The following QRICH1 variants were observed in gnomAD, a reference collection of about 807,000 sequenced individuals.
QRICH1 encodes the protein transcriptional regulator QRICH1.
A neutral mutation model predicts 87.1 loss-of-function variants in QRICH1; 16 were observed. The observed-to-expected ratio is 0.18, with a 90% CI of 0.12 to 0.28. The LOEUF (loss-of-function observed/expected upper bound fraction) is 0.28. Among genes scored for constraint, QRICH1 ranks in the 10% least tolerant of loss-of-function variants. The probability of loss-of-function intolerance (pLI) is 1.00; values close to 1 mark genes in which losing one functional copy is unlikely to be tolerated. For synonymous variants in QRICH1, 367 were observed against 368.4 expected, an observed-to-expected ratio of 1.00 and a Z score of 0.05; for missense variants, 647 against 951.7, an observed-to-expected ratio of 0.68 and a Z score of 4.21.
intron 3 of QRICH1, among the ~76,000 whole-genome samples, chr3:49,055,487 T>A (rs772770019): frequency 1.3e-5 from 2 of 152,170 alleles, no homozygotes; most frequent in Non-Finnish European, 2.9e-5. Flanking sequence ...AACCCTCGCA[T>A]CTACGCTGGG....
chr3:49,090,273 C>G (rs533649261), intron 1 of QRICH1, among the ~76,000 whole-genome samples: 1 of 152,312 alleles, frequency 6.6e-6, no homozygotes, highest in African/African-American at 2.4e-5. Flanking sequence ...TGCTGGCTAA[C>G]ACGGTGAAAC....
Position 49,057,961 on chromosome 3 carries a change from A to C in QRICH1, c.310-71T>G. On this transcript the variant is annotated intron_variant, in intron 2 of 9. Coordinates refer to ENST00000395443, the MANE Select transcript of QRICH1 (RefSeq NM_198880.3). This position sits in a 1 kb window ranked among gnomAD's most constrained non-coding sequence, Gnocchi z 5.4. The stretch of plus-strand genomic sequence containing the variant: ...AAATCCAGTACCCAAGGAAAGAAAG[A>C]AAAGAGATCCCAGACAGGGGACCTG... The C allele has an allele frequency of 6.2e-7, 1 of 1,611,084 alleles. No individual in the cohort carries two copies. Among genetic ancestry groups the C allele is most frequent in the Non-Finnish European group, 8.5e-7 (1 of 1,179,546 alleles).
At position 49,070,418 on chromosome 3, in the gene QRICH1, C is replaced by T. The variant is rs143452075; in HGVS notation, c.309+6291G>A. ...GGTTTTTAAATGGTATTCATTTTTTCCAACACTCTTAAAAATGCTTTGTTG... is the reference window on the plus strand; with the variant it reads ...GGTTTTTAAATGGTATTCATTTTTTTCAACACTCTTAAAAATGCTTTGTTG... On this transcript the variant is annotated intron_variant, in intron 2 of 9. Coordinates refer to ENST00000395443, the MANE Select transcript of QRICH1 (RefSeq NM_198880.3). 7.1e-3 allele frequency among the ~76,000 whole-genome samples: 1,078 copies of T among 151,998 alleles called. 15 individuals are homozygous for T. The highest frequency in any genetic ancestry group is 0.024 in the African/African-American group (1,010 of 41,476).
chr3:49,030,537 T>C lies in QRICH1; in HGVS notation c.2246A>G (p.Gln749Arg). Reference protein sequence around the residue: ...WYSVQPISREQMGQMLTRILV... With the variant: ...WYSVQPISRERMGQMLTRILV... Reference sequence around the variant, plus strand: ...GATCCGCGTCAGCATTTGTCCCATCTGCTCTCTGCTGATAGGCTGGACTGA... The same window carrying C: ...GATCCGCGTCAGCATTTGTCCCATCCGCTCTCTGCTGATAGGCTGGACTGA... Residue 749 changes from glutamine to arginine, a missense_variant, in exon 10 of 10, where the codon CAG (glutamine) becomes CGG (arginine). Gln to Arg is a conservative substitution (Grantham distance 43). Around this residue, in one of 7 missense-constraint regions of QRICH1, gnomAD observed 56 missense variants for 79.4 expected, o/e 0.71. Transcript: ENST00000395443. 1 of 1,614,122 alleles carries C rather than the reference T, an allele frequency of 6.2e-7. No individual in the cohort carries two copies. The highest frequency in any genetic ancestry group is 8.5e-7 in the Non-Finnish European group (1 of 1,179,976).
chr3:49,034,949 T>C (rs2093265777), intron 6 of QRICH1, among the ~76,000 whole-genome samples: 1 of 152,242 alleles, frequency 6.6e-6, no homozygotes, highest in Admixed American at 6.5e-5. Context: ...TTCTGCCCGA[T>C]ACACTCCTCT....
chr3:49,033,326 T>C (rs2093253980), intron 6 of QRICH1, 98 bp from the exon 7 acceptor site: 1 of 672,154 alleles, frequency 1.5e-6, no homozygotes, highest in Non-Finnish European at 2.2e-6. Context: ...CACAGGAGTA[T>C]AAATTTCATC....
intron 2 of QRICH1, among the ~76,000 whole-genome samples, chr3:49,059,425 T>TG (rs1472168740): frequency 1.4e-5 from 2 of 143,866 alleles, no homozygotes; most frequent in African/African-American, 2.5e-5. Flanking sequence ...CCCAGCTAAT[T>TG]TTTTTTTTTT....
At chr3:49,090,039 G>C (rs1440611552) in intron 1 of QRICH1, among the ~76,000 whole-genome samples, 1 of 152,322 alleles carries the variant, frequency 6.6e-6, no homozygotes, top group Non-Finnish European at 1.5e-5. Flanking sequence ...ACATGGGCGG[G>C]CGCAGTGGCT....
At position 49,032,925 on chromosome 3, in the gene QRICH1, C is replaced by A; in HGVS notation, c.1896-152G>T. 2.9e-6 allele frequency: 3 copies of A among 1,030,752 alleles called. No individual in the cohort carries two copies. In the South Asian group the frequency reaches 5.2e-5, roughly 18 times the overall value. The allele number at this position is 1,030,752 out of a possible 1,614,324, so 63.9% of individuals were successfully genotyped here. On this transcript the variant is annotated intron_variant, in intron 7 of 9. Transcript: ENST00000395443. ...CAAGCAGTGTCCAGTGCAGGAACCA[C>A]ATCAAGATGGATGGTAGGGGTCTGG...
At chr3:49,051,683 T>C (rs1255411515) in intron 3 of QRICH1, among the ~76,000 whole-genome samples, 1 of 146,182 alleles carries the variant, frequency 6.8e-6, no homozygotes, top group Non-Finnish European at 1.5e-5. Flanking sequence ...AGAGTATTCA[T>C]TAGCTTCCCT....
intron 2 of QRICH1, among the ~76,000 whole-genome samples, chr3:49,066,780 G>A (rs1039872735): frequency 2.6e-5 from 4 of 152,174 alleles, no homozygotes; most frequent in Non-Finnish European, 5.9e-5. Flanking sequence ...GGTCATGCCT[G>A]TAATCCTAGC....
At chr3:49,035,813 T>C (rs189565359) in intron 6 of QRICH1, among the ~76,000 whole-genome samples, 1 of 148,090 alleles carries the variant, frequency 6.8e-6, no homozygotes, top group Non-Finnish European at 1.5e-5. Context: ...CTGGGCATGG[T>C]GGCTCATGGG....
chr3:49,073,539 C>G (rs555518648), intron 2 of QRICH1, among the ~76,000 whole-genome samples: 1 of 141,826 alleles, frequency 7.1e-6, no homozygotes, highest in Non-Finnish European at 1.5e-5. Flanking sequence ...GACTCCATCT[C>G]GAAAAAAAAA....
chr3:49,090,363 G>A (rs1169359878), intron 1 of QRICH1, among the ~76,000 whole-genome samples: 1 of 151,866 alleles, frequency 6.6e-6, no homozygotes, highest in East Asian at 1.9e-4. Flanking sequence ...GGAGGCTGAG[G>A]CAGGAGAATG....
rs748917664 is a variant in QRICH1 at position 49,057,840 on chromosome 3, G to A, written c.360C>T (p.Ser120=). ...TAGGCTGGTGAACGGTGAGTTGTGGGGAGAGCTGAGCCGAGACCTGTTGCG... is the reference window on the plus strand; with the variant it reads ...TAGGCTGGTGAACGGTGAGTTGTGGAGAGAGCTGAGCCGAGACCTGTTGCG... ...QSPQQVSAQL[S]PQLTVHQPTE... The change falls in exon 3 of 10, where the codon TCC becomes TCT. Residue 120 remains serine (S), a synonymous_variant. Transcript: ENST00000395443. This position sits in a 1 kb window ranked among gnomAD's most constrained non-coding sequence, Gnocchi z 5.4. 8 of 1,613,944 alleles carry A rather than the reference G, an allele frequency of 5.0e-6. No individual in the cohort carries two copies. In the South Asian group the frequency reaches 8.8e-5, roughly 18 times the overall value.
intron 6 of QRICH1, among the ~76,000 whole-genome samples, chr3:49,039,630 A>G (rs1365389674): frequency 6.6e-6 from 1 of 151,330 alleles, no homozygotes; most frequent in Non-Finnish European, 1.5e-5. Flanking sequence ...AAAAAAAAAA[A>G]AAAAAAAAAA....
chr3:49,041,810 A>G (rs764501656), intron 6 of QRICH1, among the ~76,000 whole-genome samples: 1 of 151,480 alleles, frequency 6.6e-6, no homozygotes, highest in Non-Finnish European at 1.5e-5. Context: ...TTTTGTATTT[A>G]GTAGAGACGG....
Position 49,076,966 on chromosome 3 carries a change from T to A in QRICH1, c.52A>T (p.Lys18Ter), listed in dbSNP as rs2041964073. Residue 18 changes from lysine to a stop codon, truncating the protein, a stop_gained, in exon 2 of 10, where the codon AAG becomes TAG. Coordinates refer to ENST00000395443, the MANE Select transcript of QRICH1 (RefSeq NM_198880.3). LOFTEE classifies it high-confidence loss of function. Reference sequence around the variant, plus strand: ...CTGTGTTGCGGGACAGACCGTGCCTTTACTCGGATGTACTCTTCAAAGGAG... The same window carrying A: ...CTGTGTTGCGGGACAGACCGTGCCTATACTCGGATGTACTCTTCAAAGGAG... ...TISFEEYIRV[K>*]ARSVPQHRMK... is the part of the protein sequence containing the mutation. The A allele has an allele frequency of 6.3e-7, 1 of 1,587,512 alleles. No individual in the cohort carries two copies. The highest frequency in any genetic ancestry group is 8.6e-7 in the Non-Finnish European group (1 of 1,162,908).
chr3:49,047,126 G>C lies in QRICH1; in HGVS notation c.1459C>G (p.Gln487Glu). 1 of 1,614,116 alleles carries C rather than the reference G, an allele frequency of 6.2e-7. No individual in the cohort carries two copies. Among genetic ancestry groups the C allele is most frequent in the Non-Finnish European group, 8.5e-7 (1 of 1,180,022 alleles). ...TTCTCTAGTTCAGCATTCTTGGTCTGGGCCCAGTTTTTCCATACTTCAAGC... is the reference window on the plus strand; with the variant it reads ...TTCTCTAGTTCAGCATTCTTGGTCTCGGCCCAGTTTTTCCATACTTCAAGC... ...EGLEVWKNWA[Q>E]TKNAELEKDA... Residue 487 changes from glutamine (Q) to glutamate (E), a missense_variant, in exon 4 of 10, where the codon CAG (glutamine) becomes GAG (glutamate). Gln to Glu is a conservative substitution (Grantham distance 29, BLOSUM62 2). Around this residue, in one of 7 missense-constraint regions of QRICH1, gnomAD observed 187 missense variants for 309.5 expected, o/e 0.60. Coordinates refer to ENST00000395443, the MANE Select transcript of QRICH1 (RefSeq NM_198880.3).
Sources: allele counts gnomAD v4.1 joint callset (sites outside exome capture counted in the v4.1 genomes callset), GRCh38; gene constraint gnomAD v4.1.1; regional missense constraint gnomAD v4.1.1; non-coding constraint Gnocchi (gnomAD v3.1); transcripts MANE v1.5; gene names NCBI Gene and HGNC (gene_info 2026-07-23, HGNC 2026-07-21).